The following CCDC117 variants were observed in gnomAD, a reference collection of about 807,000 sequenced individuals.
CCDC117 encodes the protein coiled-coil domain containing 117.
A neutral mutation model predicts 23.5 loss-of-function variants in CCDC117; 1 was observed. The observed-to-expected ratio is 0.04, with a 90% CI of 0.02 to 0.20. The LOEUF (loss-of-function observed/expected upper bound fraction) is 0.20. Among genes scored for constraint, CCDC117 ranks in the 10% least tolerant of loss-of-function variants. The probability of loss-of-function intolerance (pLI) is 1.00; values close to 1 mark genes in which losing one functional copy is unlikely to be tolerated. For synonymous variants in CCDC117, 132 were observed against 124.8 expected, an observed-to-expected ratio of 1.06 and a Z score of -0.39; for missense variants, 383 against 348.2, an observed-to-expected ratio of 1.10 and a Z score of -0.80.
At chr22:28,784,271 A>G (rs1158278394) in intron 4 of CCDC117, among the ~76,000 whole-genome samples, 1 of 152,250 alleles carries the variant, frequency 6.6e-6, no homozygotes, top group Non-Finnish European at 1.5e-5. Context: ...AGGACAAGAG[A>G]GGAAACTGGA....
chr22:28,776,116 T>C (rs1395012207), intron 2 of CCDC117, among the ~76,000 whole-genome samples: 12 of 152,032 alleles, frequency 7.9e-5, no homozygotes, highest in Non-Finnish European at 1.8e-4. Flanking sequence ...CACATTAAAG[T>C]CCTGATTTGG....
rs2146256418 is a variant in CCDC117 at position 28,785,570 on chromosome 22, A to G, written c.603-519A>G. ...TTTGTCCAGTGTTTCCTTTTCATTT[A>G]TAATGATTTAGTATGAGCTAGCTGC... On this transcript the variant is annotated intron_variant, in intron 4 of 4. Coordinates refer to ENST00000249064, the MANE Select transcript of CCDC117 (RefSeq NM_173510.4). 2.0e-5 allele frequency among the ~76,000 whole-genome samples: 3 copies of G among 152,324 alleles called. 1 individual carries two copies. The Middle Eastern group carries it at 0.01, about 518-fold the overall frequency.
rs897967350 is a variant in CCDC117 at position 28,782,880 on chromosome 22, T to G, written c.465-628T>G. Among the ~76,000 whole-genome samples the G allele has an allele frequency of 1.3e-4, 20 of 151,294 alleles. 1 individual carries two copies. The highest frequency in any genetic ancestry group is 1.1e-3 in the Admixed American group (17 of 15,216). ...AGCCACCACGCCCGGCCCCGAAGTA[T>G]GTGCTTTTAAAGTGAATTCTTCTCA... On this transcript the variant is annotated intron_variant, in intron 3 of 4. Coordinates refer to ENST00000249064, the MANE Select transcript of CCDC117 (RefSeq NM_173510.4).
chr22:28,785,008 G>T (rs1438612469), intron 4 of CCDC117, among the ~76,000 whole-genome samples: 2 of 152,280 alleles, frequency 1.3e-5, no homozygotes, highest in Non-Finnish European at 2.9e-5. Context: ...CTGACCTTGT[G>T]ATCCACCCTC....
At chr22:28,783,846 G>A (rs1389523778) in intron 4 of CCDC117, among the ~76,000 whole-genome samples, 2 of 152,092 alleles carry the variant, frequency 1.3e-5, no homozygotes, top group Non-Finnish European at 2.9e-5. Context: ...TGGCTGCCTT[G>A]CCTACTTACT....
At chr22:28,776,997 G>A (rs2031180934) in intron 2 of CCDC117, among the ~76,000 whole-genome samples, 1 of 151,522 alleles carries the variant, frequency 6.6e-6, no homozygotes, top group African/African-American at 2.4e-5. Flanking sequence ...TAGGATTACA[G>A]GCGTGAGCTA....
intron 4 of CCDC117, among the ~76,000 whole-genome samples, chr22:28,784,835 A>T (rs1216656691): frequency 6.6e-6 from 1 of 152,024 alleles, no homozygotes; most frequent in Non-Finnish European, 1.5e-5. Context: ...CAGTGGCCTG[A>T]TCTTGGCTCA....
chr22:28,779,901 A>G (rs2031270888), intron 2 of CCDC117, among the ~76,000 whole-genome samples: 1 of 152,244 alleles, frequency 6.6e-6, no homozygotes, highest in African/African-American at 2.4e-5. Flanking sequence ...ATAATAGAAC[A>G]GGGCCGATTG....
chr22:28,783,759 A>T, intron 4 of CCDC117, 114 bp downstream of exon 4: 1 of 961,034 alleles, frequency 1.0e-6, no homozygotes, highest in African/African-American at 1.6e-5. Context: ...TCCCCAGGCA[A>T]TTGGAGATTG....
chr22:28,785,244 A>G (rs1447691276), intron 4 of CCDC117, among the ~76,000 whole-genome samples: 1 of 151,820 alleles, frequency 6.6e-6, no homozygotes, highest in Non-Finnish European at 1.5e-5. Context: ...GCTGGAGTGT[A>G]GTGGCATGAT....
intron 4 of CCDC117, among the ~76,000 whole-genome samples, chr22:28,784,569 C>T (rs1205359708): frequency 6.6e-6 from 1 of 152,142 alleles, no homozygotes; most frequent in Non-Finnish European, 1.5e-5. Context: ...ATGATTTGTG[C>T]TAGAAGTTCA....
At chr22:28,780,854 T>G (rs2031294246) in intron 2 of CCDC117, 94 bp from the exon 3 acceptor site, 13 of 926,724 alleles carry the variant, frequency 1.4e-5, no homozygotes, top group Non-Finnish European at 1.9e-5. Context: ...AAAAGCTAGT[T>G]TTTTAAATAC....
intron 2 of CCDC117, among the ~76,000 whole-genome samples, chr22:28,774,978 T>TC (rs2146244357): frequency 6.6e-6 from 1 of 152,142 alleles, no homozygotes; most frequent in Admixed American, 6.5e-5. Flanking sequence ...AATAGTTGAG[T>TC]GGAGGCCAGG....
intron 1 of CCDC117, 42 bp from the exon 2 acceptor site, chr22:28,773,683 G>A (rs1601418269): frequency 6.6e-7 from 1 of 1,512,418 alleles, no homozygotes; most frequent in Non-Finnish European, 9.2e-7. Flanking sequence ...CCACAAGCTC[G>A]AGTACATTTC....
At chr22:28,775,097 A>G (rs1003026649) in intron 2 of CCDC117, among the ~76,000 whole-genome samples, 2 of 152,102 alleles carry the variant, frequency 1.3e-5, no homozygotes, top group African/African-American at 4.8e-5. Context: ...CCCCATCTCT[A>G]TTAAAATACA....
chr22:28,781,120 G>A lies in CCDC117; in HGVS notation c.412G>A (p.Gly138Arg). The change falls in exon 3 of 5, where the codon GGA (glycine) becomes AGA (arginine). Residue 138 changes from glycine (G) to arginine (R), a missense_variant. Physicochemically the swap from Gly to Arg is moderately radical, Grantham distance 125. Coordinates refer to ENST00000249064, the MANE Select transcript of CCDC117 (RefSeq NM_173510.4). ...VICEEMDQTT[G>R]EPQCEVARRK... The stretch of plus-strand genomic sequence containing the variant: ...TTGTGAAGAAATGGATCAGACAACT[G>A]GAGAACCACAGTGTGAAGTTGCCCG... The A allele has an allele frequency of 6.2e-7, 1 of 1,613,904 alleles. No individual in the cohort carries two copies. Among genetic ancestry groups the A allele is most frequent in the Non-Finnish European group, 8.5e-7 (1 of 1,179,974 alleles).
intron 4 of CCDC117, among the ~76,000 whole-genome samples, chr22:28,784,345 T>C (rs2031446898): frequency 6.6e-6 from 1 of 152,208 alleles, no homozygotes; most frequent in African/African-American, 2.4e-5. Context: ...TTAGCCCAGC[T>C]CTAATCCTGT....
intron 3 of CCDC117, among the ~76,000 whole-genome samples, chr22:28,781,949 C>G (rs1356522632): frequency 7.1e-6 from 1 of 141,674 alleles, no homozygotes; most frequent in South Asian, 2.4e-4. Flanking sequence ...AGCCCCCCCC[C>G]TTTTTTTTTT....
chr22:28,782,981 T>C (rs964632857), intron 3 of CCDC117, among the ~76,000 whole-genome samples: 1 of 152,218 alleles, frequency 6.6e-6, no homozygotes, highest in African/African-American at 2.4e-5. Context: ...TGAAATATTA[T>C]TCAGATTTGA....
Sources: gnomAD v4.1 joint callset for allele counts (sites outside exome capture counted in the v4.1 genomes callset) on GRCh38, gnomAD v4.1.1 for gene constraint, MANE v1.5 for transcripts, NCBI Gene and HGNC (gene_info 2026-07-23, HGNC 2026-07-21) for gene names.